Variants in LRP1B observed in about 807,000 individuals in gnomAD.
The protein encoded by LRP1B is LDL receptor related protein 1B.
LRP1B carries 217 observed loss-of-function variants against 556.6 expected under a neutral mutation model. The ratio of observed to expected loss-of-function variants is 0.39; its 90% CI spans 0.35 to 0.44. LRP1B has a LOEUF of 0.44. Among genes scored for constraint, LRP1B ranks in the 20% least tolerant of loss-of-function variants. The pLI is 1.00. For synonymous variants in LRP1B, 2,047 were observed against 1,865.8 expected, an observed-to-expected ratio of 1.10 and a Z score of -2.50; for missense variants, 5,053 against 5,620.8, an observed-to-expected ratio of 0.90 and a Z score of 3.23.
intron 3 of LRP1B, among the ~76,000 whole-genome samples, chr2:141,406,991 A>C (rs1441012814): frequency 2.0e-5 from 3 of 152,138 alleles, no homozygotes; most frequent in Admixed American, 2.0e-4. Context: ...TTTTAGAGAA[A>C]TCTTTTTCAA....
intron 16 of LRP1B, among the ~76,000 whole-genome samples, chr2:140,992,021 G>T (rs190333119): frequency 6.6e-6 from 1 of 151,904 alleles, no homozygotes; most frequent in Non-Finnish European, 1.5e-5. Context: ...TATAAATATC[G>T]CTCTGAAAAT....
At chr2:140,943,041 T>G (rs1418058602) in intron 20 of LRP1B, among the ~76,000 whole-genome samples, 1 of 152,000 alleles carries the variant, frequency 6.6e-6, no homozygotes. Flanking sequence ...CAACAGACCA[T>G]CTCCCATGTA....
At chr2:141,049,608 A>G (rs1443320964) in intron 10 of LRP1B, among the ~76,000 whole-genome samples, 3 of 152,086 alleles carry the variant, frequency 2.0e-5, no homozygotes, top group Non-Finnish European at 4.4e-5. Flanking sequence ...ACCATTCATT[A>G]TATTTGACAA....
intron 1 of LRP1B, among the ~76,000 whole-genome samples, chr2:141,923,425 T>TATATATATATATATATATATA (rs1700244729): frequency 5.7e-5 from 1 of 17,652 alleles, no homozygotes; most frequent in Non-Finnish European, 1.3e-4. Flanking sequence ...ATATATATAG[T>TATATATATATATATATATATA]GACAAAGAGA....
intron 7 of LRP1B, among the ~76,000 whole-genome samples, chr2:141,126,549 G>GT (rs928999724): frequency 1.1e-4 from 17 of 152,040 alleles, no homozygotes; most frequent in African/African-American, 3.6e-4. Context: ...CTTCATTGAA[G>GT]TTTTTTTTCT....
chr2:140,325,951 TTATTGTA>T (rs1680454324), intron 79 of LRP1B, 73 bp from the exon 80 acceptor site: 3 of 943,254 alleles, frequency 3.2e-6, no homozygotes, highest in Non-Finnish European at 5.1e-6. Context: ...CTTTTGCTTC[TTATTGTA>T]TAATTACACT....
rs556299461 is a variant in LRP1B, at chr2:141,363,811, A to G, written c.344-109170T>C. Among the ~76,000 whole-genome samples, 371 of 152,272 alleles carry G rather than the reference A, an allele frequency of 2.4e-3. 2 individuals carry two copies. The Middle Eastern group carries it at 0.034, about 14-fold the overall frequency. On this transcript the variant is annotated intron_variant, in intron 3 of 90. Transcript: ENST00000389484. ...GTTAAAATGTATAGTTATTCTATAA[A>G]TATGTTTTCTAAACAAAGATATATT... is the stretch of plus-strand genomic sequence containing the variant.
chr2:141,822,092 T>TACACAC (rs149899299), intron 1 of LRP1B, among the ~76,000 whole-genome samples: 1,883 of 112,364 alleles, frequency 0.017, 29 homozygotes, highest in Non-Finnish European at 0.025. Context: ...AAAAAATACA[T>TACACAC]ACACACACAC....
chr2:141,435,102 A>T (rs972930101), intron 3 of LRP1B, among the ~76,000 whole-genome samples: 2 of 152,206 alleles, frequency 1.3e-5, no homozygotes, highest in Non-Finnish European at 2.9e-5. Context: ...AATGCTCATG[A>T]TCTTACAAAT....
chr2:140,549,307 TAAAC>T (rs1321234330), intron 43 of LRP1B, among the ~76,000 whole-genome samples: 6 of 152,106 alleles, frequency 3.9e-5, no homozygotes, highest in Non-Finnish European at 8.8e-5. Flanking sequence ...AGTGGGAAAA[TAAAC>T]AAAATAATAA....
chr2:140,767,010 A>G (rs1398879293), intron 35 of LRP1B, among the ~76,000 whole-genome samples: 1 of 151,548 alleles, frequency 6.6e-6, no homozygotes, highest in African/African-American at 2.4e-5. Flanking sequence ...ACACCCCAAA[A>G]AGGGAAACAG....
At chr2:141,305,441 T>C (rs1686550230) in intron 3 of LRP1B, among the ~76,000 whole-genome samples, 1 of 152,230 alleles carries the variant, frequency 6.6e-6, no homozygotes, top group African/African-American at 2.4e-5. Context: ...GTTGATTTTA[T>C]ATCCTATGAA....
chr2:142,059,983 T>A (rs1009871892), intron 1 of LRP1B, among the ~76,000 whole-genome samples: 1 of 152,062 alleles, frequency 6.6e-6, no homozygotes, highest in African/African-American at 2.4e-5. Context: ...ATATCATGTG[T>A]TTGGAAACAT....
intron 2 of LRP1B, among the ~76,000 whole-genome samples, chr2:141,807,756 C>A (rs1179628939): frequency 1.3e-5 from 2 of 152,034 alleles, no homozygotes; most frequent in African/African-American, 4.8e-5. Context: ...GTGGTATGTA[C>A]ATTATGGGCA....
chr2:140,937,481 A>G (rs1245698240), intron 20 of LRP1B, among the ~76,000 whole-genome samples: 1 of 152,114 alleles, frequency 6.6e-6, no homozygotes, highest in East Asian at 1.9e-4. Context: ...TAATGGGTAG[A>G]GTTACAGTTT....
intron 1 of LRP1B, among the ~76,000 whole-genome samples, chr2:141,835,165 T>A (rs1574411969): frequency 6.6e-6 from 1 of 152,164 alleles, no homozygotes; most frequent in Admixed American, 6.5e-5. Flanking sequence ...AACTTTGGAA[T>A]AACATTTGTA....
chr2:140,269,966 A>C (rs1298874962), intron 86 of LRP1B, among the ~76,000 whole-genome samples: 2 of 152,016 alleles, frequency 1.3e-5, no homozygotes, highest in Non-Finnish European at 2.9e-5. Context: ...CAATAAAATT[A>C]TAACAATTTT....
chr2:141,133,817 A>G (rs947535409), intron 7 of LRP1B, among the ~76,000 whole-genome samples: 1 of 151,964 alleles, frequency 6.6e-6, no homozygotes, highest in Non-Finnish European at 1.5e-5. Context: ...CATGGCTTCA[A>G]CTACTCATGA....
chr2:140,764,801 A>C (rs1689044681), intron 35 of LRP1B, among the ~76,000 whole-genome samples: 1 of 152,110 alleles, frequency 6.6e-6, no homozygotes, highest in East Asian at 1.9e-4. Flanking sequence ...TTATATTAGC[A>C]TCTATCGTTA....
Sources: allele counts gnomAD v4.1 joint callset (sites outside exome capture counted in the v4.1 genomes callset), GRCh38; gene constraint gnomAD v4.1.1; transcripts MANE v1.5; gene names NCBI Gene and HGNC (gene_info 2026-07-23, HGNC 2026-07-21).